The following LRRN1 variants were observed in gnomAD, a reference collection of about 807,000 sequenced individuals.
LRRN1 encodes leucine-rich repeat neuronal protein 1.
In LRRN1, 14 loss-of-function variants were observed where a neutral mutation model predicts 45.8. The ratio of observed to expected loss-of-function variants is 0.31; its 90% CI spans 0.20 to 0.48. The LOEUF is 0.48. LRRN1 is among the 20% of genes least tolerant of loss of function. The pLI, the probability that LRRN1 is intolerant of heterozygous loss-of-function variation, is 0.99. For missense variants in LRRN1, 789 were observed against 874.2 expected (o/e 0.90, Z 1.23); for synonymous variants, 359 against 330.1 (o/e 1.09, Z -0.95).
intron 1 of LRRN1, among the ~76,000 whole-genome samples, chr3:3,826,920 C>T (rs1313572554): frequency 6.6e-6 from 1 of 152,118 alleles, no homozygotes; most frequent in Non-Finnish European, 1.5e-5. Context: ...TTTGACCCCC[C>T]TGTACTGGCT....
At chr3:3,840,603 C>T (rs562750893) in intron 1 of LRRN1, among the ~76,000 whole-genome samples, 38 of 152,232 alleles carry the variant, frequency 2.5e-4, no homozygotes, top group Non-Finnish European at 4.3e-4. Flanking sequence ...TTAAACATCT[C>T]CTTTTTTATT....
chr3:3,835,758 T>C (rs1693496528), intron 1 of LRRN1, among the ~76,000 whole-genome samples: 1 of 152,112 alleles, frequency 6.6e-6, no homozygotes, highest in Non-Finnish European at 1.5e-5. Flanking sequence ...CACAATGCTA[T>C]GGGGAAAGTG....
intron 1 of LRRN1, among the ~76,000 whole-genome samples, chr3:3,824,468 G>A (rs1302369208): frequency 2.0e-5 from 3 of 151,994 alleles, no homozygotes; most frequent in African/African-American, 7.2e-5. Flanking sequence ...ATACAGCACA[G>A]ATCAACATTA....
chr3:3,839,886 C>G (rs915434647), intron 1 of LRRN1, among the ~76,000 whole-genome samples: 6 of 151,938 alleles, frequency 3.9e-5, no homozygotes. Context: ...TTTGTGGGAT[C>G]TTTAGGATTT....
chr3:3,819,499 G>T (rs1016549907), intron 1 of LRRN1, among the ~76,000 whole-genome samples: 1 of 152,144 alleles, frequency 6.6e-6, no homozygotes, highest in Non-Finnish European at 1.5e-5. Flanking sequence ...GCTTCTGGGG[G>T]TTTGCTGGCA....
intron 1 of LRRN1, among the ~76,000 whole-genome samples, chr3:3,802,012 T>C (rs946789459): frequency 3.9e-5 from 6 of 152,204 alleles, no homozygotes; most frequent in Admixed American, 3.3e-4. Flanking sequence ...GAAGATTTCC[T>C]GAGAATGTCC....
chr3:3,834,669 G>C (rs905083407), intron 1 of LRRN1, among the ~76,000 whole-genome samples: 1 of 149,706 alleles, frequency 6.7e-6, no homozygotes, highest in Non-Finnish European at 1.5e-5. Context: ...TCCCACAATA[G>C]GCTATCTGCC....
chr3:3,826,800 TAA>T (rs958469133), intron 1 of LRRN1, among the ~76,000 whole-genome samples: 2 of 152,068 alleles, frequency 1.3e-5, no homozygotes, highest in African/African-American at 4.8e-5. Flanking sequence ...CTAATGTTTT[TAA>T]AAAGAGTCTG....
intron 1 of LRRN1, among the ~76,000 whole-genome samples, chr3:3,801,860 C>T (rs549630365): frequency 6.6e-6 from 1 of 152,296 alleles, no homozygotes; most frequent in South Asian, 2.1e-4. Flanking sequence ...AACTTTAACC[C>T]ACTTCTGGCG....
chr3:3,813,053 T>G (rs774255521), intron 1 of LRRN1, among the ~76,000 whole-genome samples: 7 of 152,182 alleles, frequency 4.6e-5, no homozygotes, highest in Non-Finnish European at 7.3e-5. Context: ...AGATACAGAT[T>G]TTTTATAGTA....
intron 1 of LRRN1, among the ~76,000 whole-genome samples, chr3:3,800,193 T>A (rs1244521523): frequency 6.8e-6 from 1 of 146,972 alleles, no homozygotes; most frequent in Non-Finnish European, 1.5e-5. Flanking sequence ...GCAGGCCAGA[T>A]AGAAACAGGC....
chr3:3,839,269 G>A (rs1350050194), intron 1 of LRRN1, among the ~76,000 whole-genome samples: 2 of 152,030 alleles, frequency 1.3e-5, no homozygotes, highest in East Asian at 1.9e-4. Flanking sequence ...GTCCTTTATT[G>A]TATAGTCTTG....
At chr3:3,832,775 A>G (rs1693398742) in intron 1 of LRRN1, among the ~76,000 whole-genome samples, 1 of 152,116 alleles carries the variant, frequency 6.6e-6, no homozygotes, top group Non-Finnish European at 1.5e-5. Context: ...TGTTTTTATA[A>G]TTCAAATTAG....
rs1037822760 is a variant in LRRN1 at position 3,806,330 on chromosome 3, A to G, written c.-279+6411A>G. Among the ~76,000 whole-genome samples the G allele has an allele frequency of 2.0e-5, 3 of 152,338 alleles. No individual in the cohort carries two copies. In the East Asian group the frequency reaches 5.8e-4, roughly 29 times the overall value. On this transcript the variant is annotated intron_variant, in intron 1 of 1. Coordinates refer to ENST00000319331, the MANE Select transcript of LRRN1 (RefSeq NM_020873.7). ...CAGGCTACACAAGTACAGAAGCAGC[A>G]GCCTTAACTCAGATGTCAGCTGCCA...
intron 1 of LRRN1, 91 bp downstream of exon 1, chr3:3,800,010 G>C (rs1390552602): frequency 6.5e-6 from 1 of 152,842 alleles, no homozygotes; most frequent in South Asian, 2.0e-4. Flanking sequence ...AGACCCTACG[G>C]GGTCTGGGGA....
intron 1 of LRRN1, among the ~76,000 whole-genome samples, chr3:3,806,811 T>C (rs1246223124): frequency 6.6e-6 from 1 of 152,204 alleles, no homozygotes; most frequent in South Asian, 2.1e-4. Context: ...ACAAGAGTCA[T>C]GGAGAGGTTC....
intron 1 of LRRN1, among the ~76,000 whole-genome samples, chr3:3,831,401 C>T (rs568112244): frequency 7.9e-5 from 12 of 152,376 alleles, no homozygotes; most frequent in African/African-American, 2.9e-4. Flanking sequence ...AAATGTCTCA[C>T]CAATAAGTCC....
At chr3:3,824,824 CAG>C (rs1693182459) in intron 1 of LRRN1, among the ~76,000 whole-genome samples, 1 of 152,164 alleles carries the variant, frequency 6.6e-6, no homozygotes, top group Non-Finnish European at 1.5e-5. Flanking sequence ...GAGTGCAGGA[CAG>C]GGTGCTTGGA....
chr3:3,808,625 T>G (rs1976077), intron 1 of LRRN1, among the ~76,000 whole-genome samples: 18,587 of 152,140 alleles, frequency 0.12, 1,335 homozygotes, highest in East Asian at 0.35. Context: ...GGGGTTGAAC[T>G]TGGGTCTGTC....
Sources: allele counts gnomAD v4.1 joint callset (sites outside exome capture counted in the v4.1 genomes callset), GRCh38; gene constraint gnomAD v4.1.1; transcripts MANE v1.5; gene names NCBI Gene and HGNC (gene_info 2026-07-23, HGNC 2026-07-21).